ZFPM2: variants seen among roughly 807,000 people sequenced by gnomAD.
The protein encoded by ZFPM2 is zinc finger protein, FOG family member 2.
ZFPM2 carries 20 observed loss-of-function variants against 98.6 expected under a neutral mutation model. The observed-to-expected ratio is 0.20, with a 90% CI of 0.14 to 0.29. The LOEUF is 0.29. Among genes scored for constraint, ZFPM2 ranks in the 10% least tolerant of loss-of-function variants. ZFPM2 has a pLI of 1.00. For missense variants in ZFPM2, 1,310 were observed against 1,388.6 expected (o/e 0.94, Z 0.90); for synonymous variants, 518 against 502.7 (o/e 1.03, Z -0.41).
At chr8:105,477,237 C>CTTTTTT (rs397891589) in intron 3 of ZFPM2, among the ~76,000 whole-genome samples, 14 of 74,472 alleles carry the variant, frequency 1.9e-4, no homozygotes, top group African/African-American at 2.6e-4. Context: ...TGCTAGCAAT[C>CTTTTTT]TTTTTTTTTT....
intron 5 of ZFPM2, chr8:105,678,429 C>T (rs191572923): frequency 6.6e-6 from 1 of 152,236 alleles, no homozygotes; most frequent in Non-Finnish European, 1.5e-5. Flanking sequence ...GTTATGTTGA[C>T]CAGTCTTGAG....
intron 1 of ZFPM2, among the ~76,000 whole-genome samples, chr8:105,330,817 T>C (rs1275410914): frequency 6.7e-6 from 1 of 149,992 alleles, no homozygotes; most frequent in African/African-American, 2.4e-5. Context: ...TGGTCAATAA[T>C]TTTGTTACAT....
intron 2 of ZFPM2, among the ~76,000 whole-genome samples, chr8:105,421,644 AT>A (rs569687323): frequency 3.3e-5 from 5 of 152,114 alleles, no homozygotes; most frequent in Admixed American, 1.3e-4. Context: ...GAAAGAGAAT[AT>A]TTTCTCTCTG....
At chr8:105,679,940 G>A (rs191943264) in intron 5 of ZFPM2, among the ~76,000 whole-genome samples, 26 of 152,178 alleles carry the variant, frequency 1.7e-4, no homozygotes, top group Admixed American at 1.2e-3. Context: ...TTACTCATGA[G>A]AGCTTAAGTT....
rs146899651 is a variant in ZFPM2, at chr8:105,757,177, G to T, written c.533-31541G>T. 2.6e-3 allele frequency among the ~76,000 whole-genome samples: 402 copies of T among 152,224 alleles called. 1 individual carries two copies. The highest frequency in any genetic ancestry group is 8.3e-3 in the African/African-American group (346 of 41,560). On this transcript the variant is annotated intron_variant, in intron 5 of 7. Transcript: ENST00000407775. ...CAACTTTTAAAATTGCTCCCTGAGAGAATACTAATAGCATGCAAGTCTTGT... is the reference window on the plus strand; with the variant it reads ...CAACTTTTAAAATTGCTCCCTGAGATAATACTAATAGCATGCAAGTCTTGT...
At chr8:105,681,902 A>G (rs140362801) in intron 5 of ZFPM2, among the ~76,000 whole-genome samples, 5 of 152,186 alleles carry the variant, frequency 3.3e-5, no homozygotes, top group East Asian at 1.9e-4. Context: ...ATTAAACTCT[A>G]TGAAGGCTGT....
chr8:105,673,187 C>CTTTTT (rs5893754), intron 5 of ZFPM2, among the ~76,000 whole-genome samples: 3,480 of 87,430 alleles, frequency 0.04, 184 homozygotes, highest in Middle Eastern at 0.085. Context: ...AAATAGCATG[C>CTTTTT]TTTTTTTTTT....
chr8:105,373,539 T>C (rs144940705), intron 1 of ZFPM2, among the ~76,000 whole-genome samples: 1 of 152,302 alleles, frequency 6.6e-6, no homozygotes, highest in Non-Finnish European at 1.5e-5. Flanking sequence ...TTACAGATTA[T>C]GTAGGCAGAG....
intron 3 of ZFPM2, among the ~76,000 whole-genome samples, chr8:105,534,271 CTTCTT>C (rs1814396343): frequency 6.7e-5 from 3 of 44,490 alleles, no homozygotes; most frequent in African/African-American, 2.4e-4. Context: ...CCTTTCCTTC[CTTCTT>C]TCCCTCCCTC....
intron 3 of ZFPM2, among the ~76,000 whole-genome samples, chr8:105,537,470 G>A (rs1814477378): frequency 6.6e-6 from 1 of 152,140 alleles, no homozygotes; most frequent in Admixed American, 6.6e-5. Flanking sequence ...GAGGCCATGA[G>A]TTCAAGGCTA....
chr8:105,801,673 G>T lies in ZFPM2; in HGVS notation c.1591G>T (p.Gly531Cys). The T allele has an allele frequency of 6.2e-7, 1 of 1,613,640 alleles. No individual in the cohort carries two copies. Among genetic ancestry groups the T allele is most frequent in the African/African-American group, 1.3e-5 (1 of 75,018 alleles). ...SELVHRRLRH[G>C]SSSYPPVIYS... The stretch of plus-strand genomic sequence containing the variant: ...ACTGGTGCATCGGCGACTGAGGCAT[G>T]GCAGTAGTAGCTACCCTCCCGTCAT... The change falls in exon 8 of 8, where the codon GGC becomes TGC. Residue 531 changes from glycine (G) to cysteine (C), a missense_variant. By Grantham distance (159) the Gly-to-Cys change is radical (BLOSUM62 -3). Transcript: ENST00000407775.
At chr8:105,435,947 A>G (rs1372948249) in intron 2 of ZFPM2, among the ~76,000 whole-genome samples, 1 of 152,224 alleles carries the variant, frequency 6.6e-6, no homozygotes, top group Non-Finnish European at 1.5e-5. Context: ...TTTCTGAGAT[A>G]AAGTTAGAAG....
chr8:105,580,509 G>A (rs1815567163), intron 4 of ZFPM2, among the ~76,000 whole-genome samples: 2 of 151,970 alleles, frequency 1.3e-5, no homozygotes, highest in Non-Finnish European at 1.5e-5. Context: ...CTTGATGATG[G>A]AACCAGTTTG....
intron 5 of ZFPM2, among the ~76,000 whole-genome samples, chr8:105,725,150 G>A (rs1408358329): frequency 1.3e-5 from 2 of 151,648 alleles, no homozygotes; most frequent in Non-Finnish European, 2.9e-5. Context: ...CAATTCTACT[G>A]TCTATCTCCA....
At chr8:105,693,939 CA>C (rs1196333634) in intron 5 of ZFPM2, among the ~76,000 whole-genome samples, 1 of 147,738 alleles carries the variant, frequency 6.8e-6, no homozygotes, top group Non-Finnish European at 1.5e-5. Flanking sequence ...TTGAAATATA[CA>C]ATATATTATC....
chr8:105,384,373 A>G (rs1810944348), intron 1 of ZFPM2, among the ~76,000 whole-genome samples: 1 of 152,118 alleles, frequency 6.6e-6, no homozygotes, highest in Admixed American at 6.5e-5. Flanking sequence ...ATAAATGACA[A>G]TCTCTAAAAA....
intron 5 of ZFPM2, among the ~76,000 whole-genome samples, chr8:105,663,438 T>C (rs74308017): frequency 0.24 from 37,150 of 152,140 alleles, 5,182 homozygotes; most frequent in East Asian, 0.33. Context: ...ATGTTTATCA[T>C]GCACCTACTA....
rs369596553 is a variant in ZFPM2 at position 105,356,616 on chromosome 8, G to T, written c.40+37635G>T. 3.3e-5 allele frequency among the ~76,000 whole-genome samples: 5 copies of T among 152,194 alleles called. No homozygotes were observed. The East Asian group carries it at 7.7e-4, about 24-fold the overall frequency. On this transcript the variant is annotated intron_variant, in intron 1 of 7. Transcript: ENST00000407775. ...CTTTTCACAGCTATGCTTAGAAACT[G>T]ATATATATATACAGTTTGCATGTGC... is the stretch of plus-strand genomic sequence containing the variant.
At chr8:105,632,780 C>A (rs546922778) in intron 4 of ZFPM2, among the ~76,000 whole-genome samples, 81 of 152,150 alleles carry the variant, frequency 5.3e-4, no homozygotes, top group Non-Finnish European at 7.4e-4. Flanking sequence ...TATTAAGATA[C>A]ATAGTTGAAA....
Sources: gnomAD v4.1 joint callset for allele counts (sites outside exome capture counted in the v4.1 genomes callset) on GRCh38, gnomAD v4.1.1 for gene constraint, MANE v1.5 for transcripts, NCBI Gene and HGNC (gene_info 2026-07-23, HGNC 2026-07-21) for gene names.